Variants in TENM3 observed in about 807,000 individuals in gnomAD.
The protein encoded by TENM3 is teneurin-3.
A neutral mutation model predicts 255.1 loss-of-function variants in TENM3; 63 were observed. The observed-to-expected ratio is 0.25, with a 90% CI of 0.20 to 0.30. The LOEUF is 0.30. Among genes scored for constraint, TENM3 ranks in the 10% least tolerant of loss-of-function variants. The pLI is 1.00. For synonymous variants in TENM3, 1,306 were observed against 1,322.3 expected (o/e 0.99, Z 0.27); for missense variants, 2,929 against 3,461.1 (o/e 0.85, Z 3.86).
At chr4:182,190,812 T>C (rs1753473579) in intron 1 of TENM3, among the ~76,000 whole-genome samples, 2 of 152,186 alleles carry the variant, frequency 1.3e-5, no homozygotes, top group South Asian at 4.1e-4. Context: ...GCAAGGGGCA[T>C]TTGAGGATCC....
chr4:181,747,073 TTA>T, the TENM3 span, among the ~76,000 whole-genome samples: 1 of 152,026 alleles, frequency 6.6e-6, no homozygotes, highest in African/African-American at 2.4e-5. Flanking sequence ...TAAAATTTGT[TTA>T]TATATATAGC....
At chr4:181,631,187 G>A in the TENM3 span, among the ~76,000 whole-genome samples, 2 of 152,066 alleles carry the variant, frequency 1.3e-5, no homozygotes, top group Non-Finnish European at 1.5e-5. Flanking sequence ...TCTGTTAGCT[G>A]GAGACCACTT....
chr4:182,567,744 A>T (rs904845229), intron 3 of TENM3, among the ~76,000 whole-genome samples: 2 of 140,872 alleles, frequency 1.4e-5, no homozygotes, highest in African/African-American at 5.3e-5. Flanking sequence ...ACCCTACTCT[A>T]TTTTTTTTTT....
intron 5 of TENM3, among the ~76,000 whole-genome samples, chr4:182,633,961 A>G (rs1751622335): frequency 6.6e-6 from 1 of 152,188 alleles, no homozygotes; most frequent in East Asian, 1.9e-4. Flanking sequence ...TCCTGTGCCT[A>G]GGAATCGCCT....
At chr4:181,771,865 A>G in the TENM3 span, among the ~76,000 whole-genome samples, 1 of 152,220 alleles carries the variant, frequency 6.6e-6, no homozygotes, top group African/African-American at 2.4e-5. Flanking sequence ...CTTAAATTCT[A>G]AAGATGCTAC....
the TENM3 span, among the ~76,000 whole-genome samples, chr4:181,730,564 A>AGAAG: frequency 6.6e-6 from 1 of 152,162 alleles, no homozygotes; most frequent in Non-Finnish European, 1.5e-5. Flanking sequence ...TTTCCCAGGA[A>AGAAG]GAAGGGGAGA....
intron 3 of TENM3, among the ~76,000 whole-genome samples, chr4:182,390,794 A>G (rs749493596): frequency 2.0e-5 from 3 of 152,150 alleles, no homozygotes; most frequent in Non-Finnish European, 4.4e-5. Flanking sequence ...CCTCTTCAAA[A>G]TGGATATTGC....
At chr4:182,578,495 GC>G (rs1478958495) in intron 3 of TENM3, among the ~76,000 whole-genome samples, 1 of 152,040 alleles carries the variant, frequency 6.6e-6, no homozygotes, top group Non-Finnish European at 1.5e-5. Context: ...TGTGATAGGT[GC>G]TTGAGTGAAT....
intron 22 of TENM3, among the ~76,000 whole-genome samples, chr4:182,758,118 C>T (rs769486750): frequency 1.3e-5 from 2 of 152,208 alleles, no homozygotes; most frequent in East Asian, 1.9e-4. Flanking sequence ...ACAGCAAAGA[C>T]GACTAAAAAA....
chr4:181,622,274 C>A, the TENM3 span, among the ~76,000 whole-genome samples: 4 of 152,188 alleles, frequency 2.6e-5, no homozygotes, highest in Non-Finnish European at 4.4e-5. Context: ...TTTCCTCTCA[C>A]CCTTGCAGCT....
chr4:182,371,747 C>T (rs1390117126), intron 3 of TENM3, among the ~76,000 whole-genome samples: 4 of 152,180 alleles, frequency 2.6e-5, no homozygotes, highest in Non-Finnish European at 5.9e-5. Flanking sequence ...CTCCCGTCCC[C>T]TCTCATTTCA....
intron 1 of TENM3, among the ~76,000 whole-genome samples, chr4:182,228,774 T>C (rs1320282133): frequency 6.6e-6 from 1 of 152,214 alleles, no homozygotes; most frequent in Admixed American, 6.5e-5. Context: ...AATTCATCCT[T>C]CACTCCTAGC....
rs530810090 is a variant in TENM3, at chr4:182,408,076, A to T, written c.511+61147A>T. Among the ~76,000 whole-genome samples the T allele has an allele frequency of 2.0e-5, 3 of 152,326 alleles. No individual in the cohort carries two copies. The East Asian group carries it at 5.8e-4, about 29-fold the overall frequency. On this transcript the variant is annotated intron_variant, in intron 3 of 27. Transcript: ENST00000511685. ...CTTACTCTTACTACAAGCCATCCAGAAGTAAAATCACAAACTCTTCATGGG... is the reference window on the plus strand; with the variant it reads ...CTTACTCTTACTACAAGCCATCCAGTAGTAAAATCACAAACTCTTCATGGG...
At chr4:182,798,861 T>C (rs1766686437) in intron 27 of TENM3, among the ~76,000 whole-genome samples, 1 of 152,166 alleles carries the variant, frequency 6.6e-6, no homozygotes, top group Admixed American at 6.5e-5. Context: ...GAAACAGATG[T>C]TTTCATTTGG....
intron 3 of TENM3, among the ~76,000 whole-genome samples, chr4:182,384,984 C>A (rs1411094693): frequency 6.6e-6 from 1 of 152,060 alleles, no homozygotes; most frequent in Non-Finnish European, 1.5e-5. Context: ...CTGAAAAGAC[C>A]CATCAGCAGC....
the TENM3 span, among the ~76,000 whole-genome samples, chr4:181,849,498 A>G: frequency 2.0e-5 from 3 of 152,256 alleles, no homozygotes; most frequent in East Asian, 5.8e-4. Context: ...GAAAATGATT[A>G]ATTAGATTTC....
At chr4:182,750,319 C>CT (rs1413859035) in intron 19 of TENM3, among the ~76,000 whole-genome samples, 1 of 152,194 alleles carries the variant, frequency 6.6e-6, no homozygotes, top group East Asian at 1.9e-4. Context: ...GATCCCAAAG[C>CT]TGAAGGACAT....
At chr4:182,559,538 C>G (rs1047556052) in intron 3 of TENM3, among the ~76,000 whole-genome samples, 4 of 152,072 alleles carry the variant, frequency 2.6e-5, no homozygotes, top group Non-Finnish European at 5.9e-5. Flanking sequence ...AATGGCAAAA[C>G]CAGAAAATGG....
chr4:182,767,483 T>C lies in TENM3; in HGVS notation c.4893-5989T>C, dbSNP rs1763817360. On this transcript the variant is annotated intron_variant, in intron 22 of 27. Coordinates refer to ENST00000511685, the MANE Select transcript of TENM3 (RefSeq NM_001080477.4). ...CAAGATGGAGGGGATTGTTTGTTTT[T>C]GTTGTTGTTGGCCGTTAAACTATGG... Among the ~76,000 whole-genome samples, 4 of 152,132 alleles carry C rather than the reference T, an allele frequency of 2.6e-5. No individual in the cohort carries two copies. The South Asian group carries it at 8.3e-4, about 32-fold the overall frequency.
Sources: gnomAD v4.1 joint callset for allele counts (sites outside exome capture counted in the v4.1 genomes callset) on GRCh38, gnomAD v4.1.1 for gene constraint, MANE v1.5 for transcripts, NCBI Gene and HGNC (gene_info 2026-07-23, HGNC 2026-07-21) for gene names.